The following SLC9B2 variants were observed in gnomAD, a reference collection of about 807,000 sequenced individuals.
SLC9B2 encodes the protein solute carrier family 9 member B2.
In SLC9B2, 39 loss-of-function variants were observed where a neutral mutation model predicts 52.2. The ratio of observed to expected loss-of-function variants is 0.75; its 90% CI spans 0.58 to 0.98. The LOEUF (loss-of-function observed/expected upper bound fraction) is 0.98. Among genes scored for constraint, SLC9B2 ranks in the 50% least tolerant of loss-of-function variants. The pLI is 0.00. For synonymous variants in SLC9B2, 214 were observed against 227.0 expected (o/e 0.94, Z 0.51); for missense variants, 626 against 637.5 (o/e 0.98, Z 0.19).
intron 11 of SLC9B2, among the ~76,000 whole-genome samples, chr4:103,027,551 C>G (rs890412606): frequency 3.3e-5 from 5 of 152,090 alleles, no homozygotes; most frequent in African/African-American, 1.2e-4. Flanking sequence ...ATTATCAGTG[C>G]AGATGGGAAA....
In SLC9B2 at chr4:103,022,795, G is replaced by A. The variant is rs1304456277; in HGVS notation, c.*3575C>T. 6.6e-6 allele frequency among the ~76,000 whole-genome samples: 1 copy of A among 152,176 alleles called. No homozygotes were observed. The highest frequency in any genetic ancestry group is 6.5e-5 in the Admixed American group (1 of 15,280). On this transcript the variant is annotated 3_prime_UTR_variant, in exon 12 of 12. Transcript: ENST00000394785. Reference sequence around the variant, plus strand: ...CTTCCAATGTGATGTATTTAGATATGAGGATTTGGGAAGGCAATTAGATTT... The same window carrying A: ...CTTCCAATGTGATGTATTTAGATATAAGGATTTGGGAAGGCAATTAGATTT...
chr4:103,051,024 C>T (rs1175872289), intron 4 of SLC9B2, among the ~76,000 whole-genome samples: 7 of 151,676 alleles, frequency 4.6e-5, no homozygotes, highest in East Asian at 3.9e-4. Context: ...ACAAGACAAA[C>T]GGACAATACC....
rs771580095 is a variant in SLC9B2 at position 103,048,910 on chromosome 4, T to C, written c.696A>G (p.Gln232=). 5.0e-6 allele frequency: 8 copies of C among 1,613,674 alleles called. No homozygotes were observed. Among genetic ancestry groups the C allele is most frequent in the African/African-American group, 2.7e-5 (2 of 74,906 alleles). ...ATCATTACCCCAGTATAAATCCCCA[T>C]TGCCATGGTAAACCCAGCAGGTAAT... The part of the protein sequence containing the change: ...LAHYLLGLPW[Q]WGFILGFVLG... The change falls in exon 6 of 12, where the codon CAA becomes CAG. Residue 232 remains glutamine, a synonymous_variant. Transcript: ENST00000394785.
In SLC9B2 at chr4:103,069,959, C is replaced by T. The variant is rs145662437; in HGVS notation, c.-42-2367G>A. 1.1e-3 allele frequency among the ~76,000 whole-genome samples: 169 copies of T among 152,298 alleles called. 2 individuals carry two copies. In the East Asian group the frequency reaches 0.031, roughly 28 times the overall value. ...TCCTTTTAAATATAAACAATCACAA[C>T]TTGGCATGTTATGCCATCTGTGGGA... On this transcript the variant is annotated intron_variant, in intron 1 of 11. Transcript: ENST00000394785.
At chr4:103,068,224 A>T (rs1746316773) in intron 1 of SLC9B2, among the ~76,000 whole-genome samples, 1 of 152,182 alleles carries the variant, frequency 6.6e-6, no homozygotes, top group Admixed American at 6.5e-5. Flanking sequence ...ATTTATACCA[A>T]ATAACTAAGA....
At chr4:103,076,093 C>G (rs1747119182) in intron 1 of SLC9B2, 91 bp downstream of exon 1, 1 of 152,308 alleles carries the variant, frequency 6.6e-6, no homozygotes, top group Non-Finnish European at 1.5e-5. Flanking sequence ...GGCTGGGCCC[C>G]TCGCTCGCGT....
chr4:103,019,784 C>T (rs1190389093), downstream of SLC9B2: 11 of 985,538 alleles, frequency 1.1e-5, no homozygotes, highest in Non-Finnish European at 1.3e-5. Flanking sequence ...CTGTCCGCGC[C>T]GGCAGAGGCG....
In SLC9B2 at chr4:103,024,171, C is replaced by T. The variant is rs1006924753; in HGVS notation, c.*2199G>A. Among the ~76,000 whole-genome samples, 12 of 152,180 alleles carry T rather than the reference C, an allele frequency of 7.9e-5. No individual in the cohort carries two copies. Among genetic ancestry groups the T allele is most frequent in the African/African-American group, 1.9e-4 (8 of 41,434 alleles). On this transcript the variant is annotated 3_prime_UTR_variant, in exon 12 of 12. Coordinates refer to ENST00000394785, the MANE Select transcript of SLC9B2 (RefSeq NM_178833.7). ...TTAACTGTCTGTTTTCTCTATTGGA[C>T]TGTTAAATCCTTAAGGACAGGGACA...
downstream of SLC9B2, among the ~76,000 whole-genome samples, chr4:103,022,233 G>T (rs938819777): frequency 6.6e-6 from 1 of 152,112 alleles, no homozygotes; most frequent in Non-Finnish European, 1.5e-5. Context: ...GGGAGTAAAT[G>T]GATTTTAAAA....
intron 6 of SLC9B2, among the ~76,000 whole-genome samples, chr4:103,047,561 C>T (rs931124222): frequency 1.7e-5 from 2 of 120,272 alleles, no homozygotes; most frequent in African/African-American, 3.2e-5. Context: ...CACCCCACAA[C>T]AGGCCCTGGT....
Position 103,028,759 on chromosome 4 carries a change from C to T in SLC9B2, c.1380G>A (p.Lys460=), listed in dbSNP as rs1011496610. ...KIFISFAWLP[K]ATVQAAIGSV... is the part of the protein sequence containing the mutation. ...CTATCCATCATACCTGAACTGTGGC[C>T]TTTGGAAGCCATGCAAAAGAAATAA... is the stretch of plus-strand genomic sequence containing the variant. Residue 460 remains lysine, a synonymous_variant, in exon 11 of 12, where the codon AAG becomes AAA. Coordinates refer to ENST00000394785, the MANE Select transcript of SLC9B2 (RefSeq NM_178833.7). The T allele has an allele frequency of 2.5e-6, 4 of 1,607,480 alleles. No homozygotes were observed. The highest frequency in any genetic ancestry group is 1.1e-5 in the South Asian group (1 of 89,874).
At chr4:103,074,010 T>C (rs889031545) in intron 1 of SLC9B2, among the ~76,000 whole-genome samples, 1 of 152,220 alleles carries the variant, frequency 6.6e-6, no homozygotes, top group Admixed American at 6.5e-5. Context: ...ATTCATTTCT[T>C]GCCATTGGAA....
At chr4:103,071,312 T>G (rs1401043281) in intron 1 of SLC9B2, among the ~76,000 whole-genome samples, 2 of 151,760 alleles carry the variant, frequency 1.3e-5, no homozygotes, top group Non-Finnish European at 2.9e-5. Flanking sequence ...CAAGTGATTC[T>G]CCTACCTTGG....
At chr4:103,045,554 A>T (rs920451311) in intron 7 of SLC9B2, among the ~76,000 whole-genome samples, 8 of 152,050 alleles carry the variant, frequency 5.3e-5, no homozygotes, top group African/African-American at 1.4e-4. Flanking sequence ...CACCCCTAAA[A>T]ATCTGATTCA....
chr4:103,051,494 G>C (rs1744681730), intron 4 of SLC9B2, among the ~76,000 whole-genome samples: 3 of 152,048 alleles, frequency 2.0e-5, no homozygotes, highest in Admixed American at 1.3e-4. Context: ...TTATCTACGG[G>C]AAAGTCTCGT....
chr4:103,022,926 A>T lies in SLC9B2; in HGVS notation c.*3444T>A, dbSNP rs992986820. The stretch of plus-strand genomic sequence containing the variant: ...CTCTCTCGGCATCAAGTGATGACAC[A>T]TGAGTGAGAGGGTGAGAATGTGGCC... On this transcript the variant is annotated 3_prime_UTR_variant, in exon 12 of 12. Transcript: ENST00000394785. 1.3e-5 allele frequency among the ~76,000 whole-genome samples: 2 copies of T among 152,202 alleles called. No individual in the cohort carries two copies. The highest frequency in any genetic ancestry group is 1.5e-5 in the Non-Finnish European group (1 of 68,036).
chr4:103,019,482 T>G, downstream of SLC9B2: 1 of 644,854 alleles, frequency 1.6e-6, no homozygotes, highest in Non-Finnish European at 1.9e-6. Context: ...AAGAATCCCA[T>G]TGAACTGAGG....
At chr4:103,046,508 G>C (rs567367525) in intron 7 of SLC9B2, among the ~76,000 whole-genome samples, 1 of 152,218 alleles carries the variant, frequency 6.6e-6, no homozygotes, top group Non-Finnish European at 1.5e-5. Flanking sequence ...AAGTATTAAT[G>C]GGACATCCAT....
chr4:103,048,937 G>A lies in SLC9B2; in HGVS notation c.669C>T (p.Ala223=). 6.2e-7 allele frequency: 1 copy of A among 1,613,880 alleles called. No individual in the cohort carries two copies. Among genetic ancestry groups the A allele is most frequent in the Non-Finnish European group, 8.5e-7 (1 of 1,179,876 alleles). Residue 223 remains alanine, a synonymous_variant, in exon 6 of 12, where the codon GCC becomes GCT. Transcript: ENST00000394785. ...GCCATGGTAAACCCAGCAGGTAATG[G>A]GCAAGAAGAGCAGATGTGCACGCCT... ...IVEACTSALL[A]HYLLGLPWQW...
Sources: gnomAD v4.1 joint callset for allele counts (sites outside exome capture counted in the v4.1 genomes callset) on GRCh38, gnomAD v4.1.1 for gene constraint, MANE v1.5 for transcripts, NCBI Gene and HGNC (gene_info 2026-07-23, HGNC 2026-07-21) for gene names.